OXR1: variants seen among roughly 807,000 people sequenced by gnomAD.
OXR1 encodes the protein oxidation resistance protein 1.
OXR1 carries 41 observed loss-of-function variants against 104.6 expected under a neutral mutation model. The ratio of observed to expected loss-of-function variants is 0.39; its 90% CI spans 0.31 to 0.51. The LOEUF is 0.51. Among genes scored for constraint, OXR1 ranks in the 20% least tolerant of loss-of-function variants. The pLI is 0.77. For missense variants in OXR1, 955 were observed against 1,031.9 expected (o/e 0.93, Z 1.02); for synonymous variants, 348 against 348.4 (o/e 1.00, Z 0.01).
chr8:106,577,180 C>T (rs1817898555), intron 3 of OXR1, among the ~76,000 whole-genome samples: 1 of 151,284 alleles, frequency 6.6e-6, no homozygotes, highest in African/African-American at 2.4e-5. Flanking sequence ...TCTCACAGAC[C>T]CAAAGCTATC....
rs76363699 is a variant in OXR1 at position 106,432,290 on chromosome 8, C to T, written c.23+72654C>T. Among the ~76,000 whole-genome samples the T allele has an allele frequency of 7.4e-4, 113 of 152,220 alleles. 1 individual carries two copies. Among genetic ancestry groups the T allele is most frequent in the Middle Eastern group, 3.4e-3 (1 of 294 alleles). ...AAACAAACATTGGATCACGTATCCT[C>T]CCCTCTCCTCACTCTTCCATGGTCT... On this transcript the variant is annotated intron_variant, in intron 2 of 16. Transcript: ENST00000517566.
chr8:106,483,007 A>G (rs891340202), intron 2 of OXR1, among the ~76,000 whole-genome samples: 42 of 152,076 alleles, frequency 2.8e-4, no homozygotes, highest in African/African-American at 9.7e-4. Flanking sequence ...ATTGTCAGGC[A>G]ATATCCTAGG....
chr8:106,652,123 G>A (rs1352956203), intron 3 of OXR1, among the ~76,000 whole-genome samples: 1 of 152,006 alleles, frequency 6.6e-6, no homozygotes, highest in Non-Finnish European at 1.5e-5. Context: ...AAAACATCTT[G>A]TGCTGGCACT....
chr8:106,598,388 T>C (rs1819688225), intron 3 of OXR1, among the ~76,000 whole-genome samples: 2 of 152,206 alleles, frequency 1.3e-5, no homozygotes, highest in East Asian at 1.9e-4. Context: ...GCTCTATCAC[T>C]ACAGGAGGAA....
At chr8:106,455,402 A>C (rs1820548514) in intron 2 of OXR1, among the ~76,000 whole-genome samples, 1 of 152,230 alleles carries the variant, frequency 6.6e-6, no homozygotes, top group Non-Finnish European at 1.5e-5. Flanking sequence ...AACTAAAAGC[A>C]ATTATAGAAC....
chr8:106,569,580 T>C (rs150261877), intron 3 of OXR1, among the ~76,000 whole-genome samples: 141 of 152,314 alleles, frequency 9.3e-4, no homozygotes, highest in African/African-American at 3.2e-3. Context: ...CAAGATCCTA[T>C]AACCCAGCGA....
chr8:106,332,203 A>G (rs562084414), intron 1 of OXR1, among the ~76,000 whole-genome samples: 1 of 152,274 alleles, frequency 6.6e-6, no homozygotes, highest in East Asian at 1.9e-4. Context: ...GGATGCTCAC[A>G]TGGTAAATCA....
At chr8:106,586,705 G>A (rs538908197) in intron 3 of OXR1, among the ~76,000 whole-genome samples, 1 of 152,146 alleles carries the variant, frequency 6.6e-6, no homozygotes, top group Non-Finnish European at 1.5e-5. Context: ...AAGTAGACCT[G>A]GAAAAGAGAC....
chr8:106,357,436 A>G (rs1319233654), intron 1 of OXR1, among the ~76,000 whole-genome samples: 1 of 152,178 alleles, frequency 6.6e-6, no homozygotes. Context: ...GAAACTTCAT[A>G]GCTGCTTACT....
intron 3 of OXR1, among the ~76,000 whole-genome samples, chr8:106,572,388 T>A (rs1322034935): frequency 1.3e-5 from 2 of 152,234 alleles, no homozygotes; most frequent in Non-Finnish European, 1.5e-5. Flanking sequence ...ACATGTTTAG[T>A]GTTCTCTTCA....
chr8:106,372,818 A>C (rs1816763110), intron 2 of OXR1, among the ~76,000 whole-genome samples: 1 of 152,244 alleles, frequency 6.6e-6, no homozygotes, highest in Non-Finnish European at 1.5e-5. Context: ...AAGCATTTCA[A>C]ATAAGGGATA....
In OXR1 at chr8:106,706,916, A is replaced by G; in HGVS notation, c.1395A>G (p.Lys465=). ...ENSLHQEESQ[K]ENMPCGETAE... ...CGTTACACCAAGAAGAGAGTCAAAA[A>G]GAAAATATGCCTTGTGGGGAAACAG... The change falls in exon 9 of 17, where the codon AAA becomes AAG. Residue 465 remains lysine, a synonymous_variant. Coordinates refer to ENST00000517566, the MANE Select transcript of OXR1 (RefSeq NM_001198533.2). 1 of 1,612,414 alleles carries G rather than the reference A, an allele frequency of 6.2e-7. No homozygotes were observed. The highest frequency in any genetic ancestry group is 8.5e-7 in the Non-Finnish European group (1 of 1,179,742).
intron 3 of OXR1, chr8:106,656,063 T>C (rs1825040873): frequency 6.6e-6 from 1 of 152,190 alleles, no homozygotes; most frequent in Admixed American, 6.5e-5. Context: ...ATTTAAATTA[T>C]TAATGAGAAT....
At chr8:106,621,277 C>A (rs1231467630) in intron 3 of OXR1, among the ~76,000 whole-genome samples, 2 of 152,014 alleles carry the variant, frequency 1.3e-5, no homozygotes, top group Admixed American at 6.6e-5. Flanking sequence ...AAAGTGAGAC[C>A]CCTGTCTCTA....
chr8:106,627,124 G>A (rs747153371), intron 3 of OXR1, among the ~76,000 whole-genome samples: 7 of 152,070 alleles, frequency 4.6e-5, no homozygotes, highest in Non-Finnish European at 7.4e-5. Flanking sequence ...AAGCACATCC[G>A]TAAAGGGAAG....
chr8:106,719,262 G>A (rs964911024), intron 11 of OXR1, among the ~76,000 whole-genome samples: 1 of 152,124 alleles, frequency 6.6e-6, no homozygotes, highest in African/African-American at 2.4e-5. Flanking sequence ...CAAATTGTCA[G>A]GCAAGTCCTG....
intron 1 of OXR1, among the ~76,000 whole-genome samples, chr8:106,282,846 TAAAG>T (rs1454466876): frequency 6.6e-6 from 1 of 152,202 alleles, no homozygotes; most frequent in South Asian, 2.1e-4. Flanking sequence ...ACTGTATTAA[TAAAG>T]AAACACATAG....
chr8:106,475,885 AC>A (rs1821779199), intron 2 of OXR1, among the ~76,000 whole-genome samples: 2 of 151,452 alleles, frequency 1.3e-5, no homozygotes, highest in Admixed American at 1.3e-4. Flanking sequence ...TTTATTTCTC[AC>A]CTTTCTTTTT....
intron 2 of OXR1, among the ~76,000 whole-genome samples, chr8:106,489,566 G>T (rs972847847): frequency 1.3e-5 from 2 of 152,022 alleles, no homozygotes; most frequent in African/African-American, 4.8e-5. Context: ...GCTTGATTTT[G>T]CCATTTTGAG....
Sources: allele counts gnomAD v4.1 joint callset (sites outside exome capture counted in the v4.1 genomes callset), GRCh38; gene constraint gnomAD v4.1.1; transcripts MANE v1.5; gene names NCBI Gene and HGNC (gene_info 2026-07-23, HGNC 2026-07-21).